The following RYR2 variants were observed in gnomAD, a reference collection of about 807,000 sequenced individuals.
RYR2 encodes cardiac muscle ryanodine receptor-calcium release channel.
A neutral mutation model predicts 601.1 loss-of-function variants in RYR2; 227 were observed. That is an observed-to-expected ratio of 0.38 (90% CI 0.34 to 0.42). RYR2 has a LOEUF of 0.42. Ranked by LOEUF, RYR2 falls within the 10% of genes least tolerant of loss-of-function variation. RYR2 has a pLI of 1.00. For missense variants in RYR2, 4,646 were observed against 6,156.5 expected, an observed-to-expected ratio of 0.75 and a Z score of 8.21; for synonymous variants, 2,223 against 2,175.1, an observed-to-expected ratio of 1.02 and a Z score of -0.61.
intron 25 of RYR2, among the ~76,000 whole-genome samples, chr1:237,542,790 C>A (rs1435209416): frequency 6.6e-6 from 1 of 152,156 alleles, no homozygotes; most frequent in Non-Finnish European, 1.5e-5. Flanking sequence ...TAGTTTGTCA[C>A]CATATCTGTA....
chr1:237,547,522 A>G (rs1431673204), intron 25 of RYR2, among the ~76,000 whole-genome samples: 1 of 152,196 alleles, frequency 6.6e-6, no homozygotes, highest in African/African-American at 2.4e-5. Context: ...AATGAATCAG[A>G]AACAGATCCT....
At chr1:237,096,784 C>G (rs569229685) in intron 1 of RYR2, among the ~76,000 whole-genome samples, 1 of 152,210 alleles carries the variant, frequency 6.6e-6, no homozygotes, top group Non-Finnish European at 1.5e-5. Context: ...CTGGCATGTT[C>G]GGAACCTGTT....
At chr1:237,823,308 G>T (rs1662724424) in intron 101 of RYR2, among the ~76,000 whole-genome samples, 1 of 152,114 alleles carries the variant, frequency 6.6e-6, no homozygotes, top group Admixed American at 6.6e-5. Flanking sequence ...AACTGCAAAA[G>T]AATGGAAATC....
chr1:237,647,830 C>T (rs1438779182), intron 48 of RYR2, among the ~76,000 whole-genome samples: 1 of 152,118 alleles, frequency 6.6e-6, no homozygotes, highest in East Asian at 1.9e-4. Context: ...AATTAGGGAA[C>T]CTACGGAGTG....
At chr1:237,441,101 A>T (rs1039676071) in intron 12 of RYR2, among the ~76,000 whole-genome samples, 1 of 152,162 alleles carries the variant, frequency 6.6e-6, no homozygotes, top group African/African-American at 2.4e-5. Flanking sequence ...AAAATTTAAA[A>T]ATTTTACATT....
intron 15 of RYR2, among the ~76,000 whole-genome samples, chr1:237,455,730 A>G (rs910918192): frequency 1.3e-5 from 2 of 152,198 alleles, no homozygotes; most frequent in African/African-American, 4.8e-5. Context: ...CCCACTGGGT[A>G]TTCAAAAGAG....
At chr1:237,332,218 G>A (rs1323914996) in intron 3 of RYR2, among the ~76,000 whole-genome samples, 1 of 152,074 alleles carries the variant, frequency 6.6e-6, no homozygotes, top group Non-Finnish European at 1.5e-5. Context: ...ATTTTCATCA[G>A]CCTTGTAGTT....
Position 237,649,659 on chromosome 1 carries a change from T to C in RYR2, c.7513-218T>C, listed in dbSNP as rs112136690. Among the ~76,000 whole-genome samples the C allele has an allele frequency of 4.0e-3, 611 of 152,354 alleles. 1 individual carries two copies. Among genetic ancestry groups the C allele is most frequent in the East Asian group, 0.021 (108 of 5,190 alleles). On this transcript the variant is annotated intron_variant, in intron 49 of 104. Coordinates refer to ENST00000366574, the MANE Select transcript of RYR2 (RefSeq NM_001035.3). ...TTTTGAGGAGATAGGTGTCATTTCA[T>C]TCATTTTTATCTATTTATGAACAAT...
chr1:237,503,818 C>T (rs1664919786), intron 22 of RYR2, among the ~76,000 whole-genome samples: 1 of 152,130 alleles, frequency 6.6e-6, no homozygotes, highest in Admixed American at 6.5e-5. Flanking sequence ...AGCGATTCTC[C>T]TGTCTCAGCC....
chr1:237,735,094 T>A (rs1415793272), intron 79 of RYR2, among the ~76,000 whole-genome samples: 1 of 152,170 alleles, frequency 6.6e-6, no homozygotes, highest in Non-Finnish European at 1.5e-5. Flanking sequence ...ACTTATTGTG[T>A]GGTCACCAAA....
At chr1:237,828,273 C>A in intron 101 of RYR2, 108 bp from the exon 102 acceptor site, 2 of 695,372 alleles carry the variant, frequency 2.9e-6, no homozygotes, top group Non-Finnish European at 5.0e-6. Context: ...ATGTTCTGAG[C>A]ATTTTGCAAG....
chr1:237,682,660 T>A (rs1685993553), intron 62 of RYR2, among the ~76,000 whole-genome samples: 1 of 152,128 alleles, frequency 6.6e-6, no homozygotes, highest in Admixed American at 6.5e-5. Flanking sequence ...AACAGTGAAA[T>A]TGCCTAATGA....
chr1:237,712,520 A>G (rs1212662005), intron 71 of RYR2, among the ~76,000 whole-genome samples: 1 of 151,960 alleles, frequency 6.6e-6, no homozygotes, highest in Admixed American at 6.6e-5. Context: ...GCAACAGAAT[A>G]AAGACATGCT....
In RYR2 at chr1:237,819,702, C is replaced by T. The variant is rs1205455837; in HGVS notation, c.14590+510C>T. Among the ~76,000 whole-genome samples, 1 of 152,090 alleles carries T rather than the reference C, an allele frequency of 6.6e-6. No homozygotes were observed. The stretch of plus-strand genomic sequence containing the variant: ...GCGTGGTGGCACACAGCTGTAATCC[C>T]AGCTACCTGGGAGGCTGAGGCAGGA... On this transcript the variant is annotated intron_variant, in intron 101 of 104. Transcript: ENST00000366574. The surrounding 1 kb of genome is among the most constrained non-coding windows in gnomAD (Gnocchi z 4.0).
Position 237,801,863 on chromosome 1 carries a change from T to A in RYR2, c.14098T>A (p.Ser4700Thr). ...TTTTTTTTGTCATTGCAGACTGAAC[T>A]CCATTGATGTGAAGTATCAGATGTG... is the stretch of plus-strand genomic sequence containing the variant. ...KDSSLSAVLN[S>T]IDVKYQMWKL... Residue 4700 changes from serine (S) to threonine (T), a missense_variant, in exon 98 of 105, where the codon TCC becomes ACC. By Grantham distance (58) the Ser-to-Thr change is moderately conservative. Around this residue, in one of 17 missense-constraint regions of RYR2, gnomAD observed 76 missense variants for 97.4 expected, o/e 0.78. Coordinates refer to ENST00000366574, the MANE Select transcript of RYR2 (RefSeq NM_001035.3). 1 of 1,584,664 alleles carries A rather than the reference T, an allele frequency of 6.3e-7. No homozygotes were observed. The highest frequency in any genetic ancestry group is 8.6e-7 in the Non-Finnish European group (1 of 1,159,894).
chr1:237,698,902 T>C, intron 63 of RYR2, 63 bp from the exon 64 acceptor site: 1 of 869,958 alleles, frequency 1.1e-6, no homozygotes, highest in South Asian at 1.8e-5. Flanking sequence ...CAAATATTGG[T>C]AGAAAAGAAG....
In RYR2 at chr1:237,650,037, G is replaced by C; in HGVS notation, c.7673G>C (p.Gly2558Ala). 1 of 1,613,990 alleles carries C rather than the reference G, an allele frequency of 6.2e-7. No individual in the cohort carries two copies. Among genetic ancestry groups the C allele is most frequent in the South Asian group, 1.1e-5 (1 of 91,084 alleles). ...LLHTVYRLSKGCSLTKAQRDS... is the reference protein window; with the variant it reads ...LLHTVYRLSKACSLTKAQRDS... ...CATACTGTGTATAGACTTTCTAAGG[G>C]CTGTTCACTTACCAAAGCTCAGCGG... Residue 2558 changes from glycine (G) to alanine (A), a missense_variant, in exon 50 of 105, where the codon GGC (glycine) becomes GCC (alanine). Gly to Ala is a moderately conservative substitution (Grantham distance 60). Transcript: ENST00000366574.
At position 237,096,716 on chromosome 1, in the gene RYR2, C is replaced by T. The variant is rs186897831; in HGVS notation, c.48+54147C>T. ...ACTTAATTATAAAATAAAGGCTGCT[C>T]AGATTTTACCACTTGGACAAGAGAT... On this transcript the variant is annotated intron_variant, in intron 1 of 104. Coordinates refer to ENST00000366574, the MANE Select transcript of RYR2 (RefSeq NM_001035.3). 1.1e-4 allele frequency among the ~76,000 whole-genome samples: 16 copies of T among 152,266 alleles called. No homozygotes were observed. The East Asian group carries it at 2.7e-3, about 26-fold the overall frequency.
chr1:237,479,353 C>CTTTA (rs1311918318), intron 17 of RYR2, among the ~76,000 whole-genome samples: 1 of 152,204 alleles, frequency 6.6e-6, no homozygotes, highest in Non-Finnish European at 1.5e-5. Flanking sequence ...CTTCCCCTTA[C>CTTTA]TTTACACTTG....
Sources: gnomAD v4.1 joint callset for allele counts (sites outside exome capture counted in the v4.1 genomes callset) on GRCh38, gnomAD v4.1.1 for gene constraint, gnomAD v4.1.1 regional missense constraint, Gnocchi (gnomAD v3.1) non-coding constraint, MANE v1.5 for transcripts, NCBI Gene and HGNC (gene_info 2026-07-23, HGNC 2026-07-21) for gene names.